The following PGM2L1 variants were observed in gnomAD, a reference collection of about 807,000 sequenced individuals.
The protein encoded by PGM2L1 is phosphoglucomutase 2 like 1.
In PGM2L1, 35 loss-of-function variants were observed where a neutral mutation model predicts 73.4. The ratio of observed to expected loss-of-function variants is 0.48; its 90% CI spans 0.36 to 0.63. PGM2L1 has a LOEUF of 0.63. Ranked by LOEUF, PGM2L1 falls within the 30% of genes least tolerant of loss-of-function variation. The pLI, the probability that PGM2L1 is intolerant of heterozygous loss-of-function variation, is 0.00. For synonymous variants in PGM2L1, 225 were observed against 253.8 expected (o/e 0.89, Z 1.08); for missense variants, 570 against 742.0 (o/e 0.77, Z 2.69).
Position 74,368,697 on chromosome 11 carries a change from C to A in PGM2L1, c.472-122G>T, listed in dbSNP as rs1225732219. Reference sequence around the variant, plus strand: ...TAGTATGATATTGCTTTTGTTGATACCCTCTTTATTTTCTATTTACTTGAT... The same window carrying A: ...TAGTATGATATTGCTTTTGTTGATAACCTCTTTATTTTCTATTTACTTGAT... On this transcript the variant is annotated intron_variant, in intron 4 of 13. Coordinates refer to ENST00000298198, the MANE Select transcript of PGM2L1 (RefSeq NM_173582.6). The A allele has an allele frequency of 1.3e-5, 8 of 633,314 alleles. No homozygotes were observed. The African/African-American group carries it at 1.3e-4, about 10-fold the overall frequency. 39.2% of individuals were successfully genotyped at this position (633,314 alleles called of 1,614,324 possible).
At chr11:74,389,340 A>T (rs932086537) in intron 1 of PGM2L1, among the ~76,000 whole-genome samples, 1 of 152,214 alleles carries the variant, frequency 6.6e-6, no homozygotes. Flanking sequence ...TGTATCTCAC[A>T]AGTAAAACCT....
chr11:74,363,752 G>C (rs1862605945), intron 5 of PGM2L1, among the ~76,000 whole-genome samples: 1 of 152,166 alleles, frequency 6.6e-6, no homozygotes, highest in Non-Finnish European at 1.5e-5. Context: ...TCCAGGACCA[G>C]ACGGATTCAC....
intron 12 of PGM2L1, among the ~76,000 whole-genome samples, chr11:74,340,589 G>A (rs1295579179): frequency 6.6e-6 from 1 of 152,146 alleles, no homozygotes; most frequent in Non-Finnish European, 1.5e-5. Context: ...GGAAATTTGG[G>A]CTAATAATCA....
intron 12 of PGM2L1, among the ~76,000 whole-genome samples, 194 bp from the exon 13 acceptor site, chr11:74,338,795 G>A (rs1862137438): frequency 6.6e-6 from 1 of 152,188 alleles, no homozygotes; most frequent in South Asian, 2.1e-4. Flanking sequence ...GAGAGTTTCA[G>A]TTTAGCAAGA....
rs141879744 is a variant in PGM2L1 at position 74,361,919 on chromosome 11, T to A, written c.555+6573A>T. Reference sequence around the variant, plus strand: ...TATGTGACAAGACCAAATCTACATCTGATTGGTATACCTGAAAGTGACAGG... The same window carrying A: ...TATGTGACAAGACCAAATCTACATCAGATTGGTATACCTGAAAGTGACAGG... On this transcript the variant is annotated intron_variant, in intron 5 of 13. Coordinates refer to ENST00000298198, the MANE Select transcript of PGM2L1 (RefSeq NM_173582.6). 1.4e-4 allele frequency among the ~76,000 whole-genome samples: 22 copies of A among 152,296 alleles called. No individual in the cohort carries two copies. The East Asian group carries it at 3.7e-3, about 25-fold the overall frequency.
chr11:74,343,254 C>A (rs1862210431), intron 10 of PGM2L1, 69 bp downstream of exon 10: 2 of 1,484,288 alleles, frequency 1.3e-6, no homozygotes, highest in South Asian at 2.8e-5. Flanking sequence ...ACACAAAAAA[C>A]TCCTCCTACA....
rs78882543 is a variant in PGM2L1, at chr11:74,371,659, A to C, written c.386+52T>G. Reference sequence around the variant, plus strand: ...CTACTACTAGACAAAAAAATGTTTTAAATATGTTTTATTCTATTTCAACTT... The same window carrying C: ...CTACTACTAGACAAAAAAATGTTTTCAATATGTTTTATTCTATTTCAACTT... On this transcript the variant is annotated intron_variant, in intron 3 of 13. Transcript: ENST00000298198. The C allele has an allele frequency of 2.1e-3, 3,174 of 1,502,104 alleles. 51 individuals are homozygous for C. In the African/African-American group the frequency reaches 0.029, roughly 14 times the overall value. The allele number at this position is 1,502,104 out of a possible 1,614,324, so 93.0% of individuals were successfully genotyped here. A position where few individuals can be genotyped will look rare whatever the true frequency, so the allele number is the denominator to read the frequency against.
rs1309510597 is a variant in PGM2L1, at chr11:74,350,893, AAGAAAG to A, written c.749+484_749+489del. Among the ~76,000 whole-genome samples the A allele has an allele frequency of 4.8e-4, 53 of 111,018 alleles. 2 individuals carry two copies. The highest frequency in any genetic ancestry group is 8.9e-4 in the Admixed American group (9 of 10,140). The allele number at this position is 111,018 out of a possible 152,430, so 72.8% of individuals were successfully genotyped here. ...ACTCTGTCTCAAAAAAAAGGAAAGA[AAGAAAG>A]AGAGAGAGAGAGAGAGAGAAAGAGA... On this transcript the variant is annotated intron_variant, in intron 6 of 13. Transcript: ENST00000298198.
At chr11:74,347,689 G>A (rs1288508989) in intron 6 of PGM2L1, among the ~76,000 whole-genome samples, 3 of 152,028 alleles carry the variant, frequency 2.0e-5, no homozygotes, top group African/African-American at 4.8e-5. Flanking sequence ...TAGACCCCTC[G>A]TTTCTTCACT....
At chr11:74,373,174 C>A (rs7130795) in intron 2 of PGM2L1, among the ~76,000 whole-genome samples, 64,698 of 151,978 alleles carry the variant, frequency 0.43, 15,480 homozygotes, top group Middle Eastern at 0.56. Context: ...GTAGAAATTG[C>A]TTTTCAAACA....
chr11:74,384,656 CTTG>C (rs972308069), intron 1 of PGM2L1, among the ~76,000 whole-genome samples: 57 of 152,066 alleles, frequency 3.7e-4, no homozygotes, highest in East Asian at 1.9e-3. Flanking sequence ...CTCCAGGAAA[CTTG>C]TTGTTGTTGT....
At chr11:74,363,597 A>G (rs1217398679) in intron 5 of PGM2L1, among the ~76,000 whole-genome samples, 1 of 152,242 alleles carries the variant, frequency 6.6e-6, no homozygotes, top group Non-Finnish European at 1.5e-5. Context: ...AAACACCTCT[A>G]TGCAAATAAA....
intron 1 of PGM2L1, among the ~76,000 whole-genome samples, chr11:74,392,833 C>A (rs946457067): frequency 3.3e-5 from 5 of 152,230 alleles, no homozygotes; most frequent in Admixed American, 6.5e-5. Flanking sequence ...AGCCACTGCG[C>A]CCGGCCAGCC....
At chr11:74,395,614 C>A (rs1239482467) in intron 1 of PGM2L1, among the ~76,000 whole-genome samples, 2 of 126,858 alleles carry the variant, frequency 1.6e-5, no homozygotes, top group Non-Finnish European at 3.1e-5. Flanking sequence ...ACTATGTTGG[C>A]CAGGCTGGTC....
Position 74,374,517 on chromosome 11 carries a change from A to G in PGM2L1, c.177T>C (p.Asp59=). ...LRNGMNKELR[D]RLCCRMTFGT... is the part of the protein sequence containing the mutation. ...CAAAAGTCATTCGGCAACAAAGACG[A>G]TCTCGCAGCTCCTTGTTCATCCCAT... Residue 59 remains aspartate, a synonymous_variant, in exon 2 of 14, where the codon GAT becomes GAC. Coordinates refer to ENST00000298198, the MANE Select transcript of PGM2L1 (RefSeq NM_173582.6). The G allele has an allele frequency of 6.2e-7, 1 of 1,614,128 alleles. No homozygotes were observed. Among genetic ancestry groups the G allele is most frequent in the Non-Finnish European group, 8.5e-7 (1 of 1,179,968 alleles).
rs759056083 is a variant in PGM2L1 at position 74,363,302 on chromosome 11, T to C, written c.555+5190A>G. On this transcript the variant is annotated intron_variant, in intron 5 of 13. Transcript: ENST00000298198. Reference sequence around the variant, plus strand: ...AGAGAAAGCAGGAAAGATCTAAAATTGACACCCTAACATCACAATTAAAAG... The same window carrying C: ...AGAGAAAGCAGGAAAGATCTAAAATCGACACCCTAACATCACAATTAAAAG... 3.6e-3 allele frequency among the ~76,000 whole-genome samples: 546 copies of C among 152,030 alleles called. 12 individuals are homozygous for C. Among genetic ancestry groups the C allele is most frequent in the Non-Finnish European group, 4.0e-3 (270 of 67,942 alleles).
chr11:74,340,207 T>C (rs1862162744), intron 12 of PGM2L1, among the ~76,000 whole-genome samples: 1 of 152,160 alleles, frequency 6.6e-6, no homozygotes, highest in African/African-American at 2.4e-5. Flanking sequence ...ACAACATCTA[T>C]GCTACCTACC....
Position 74,330,638 on chromosome 11 carries a change from T to C in PGM2L1, c.*6014A>G, listed in dbSNP as rs1022221649. The C allele has an allele frequency of 2.0e-5, 3 of 152,672 alleles. No homozygotes were observed. The highest frequency in any genetic ancestry group is 7.2e-5 in the African/African-American group (3 of 41,462). 9.5% of individuals were successfully genotyped at this position (152,672 alleles called of 1,614,324 possible). On this transcript the variant is annotated 3_prime_UTR_variant, in exon 14 of 14. Transcript: ENST00000298198. The stretch of plus-strand genomic sequence containing the variant: ...ACCATACATAGAAGCAGAGTCTTGC[T>C]TGAGTGGCTCTTGTAAGATACATGA...
At chr11:74,394,069 G>T (rs1863140745) in intron 1 of PGM2L1, among the ~76,000 whole-genome samples, 1 of 152,146 alleles carries the variant, frequency 6.6e-6, no homozygotes, top group Non-Finnish European at 1.5e-5. Flanking sequence ...TCGCTGCCTG[G>T]AGGAGAAATG....
Sources: allele counts gnomAD v4.1 joint callset (sites outside exome capture counted in the v4.1 genomes callset), GRCh38; gene constraint gnomAD v4.1.1; transcripts MANE v1.5; gene names NCBI Gene and HGNC (gene_info 2026-07-23, HGNC 2026-07-21).